The following ZC3H7A variants were observed in gnomAD, a reference collection of about 807,000 sequenced individuals.
The protein encoded by ZC3H7A is zinc finger CCCH domain-containing protein 7A.
ZC3H7A carries 44 observed loss-of-function variants against 125.5 expected under a neutral mutation model. The ratio of observed to expected loss-of-function variants is 0.35; its 90% CI spans 0.28 to 0.45. ZC3H7A has a LOEUF of 0.45. ZC3H7A is among the 20% of genes least tolerant of loss of function. The probability of loss-of-function intolerance (pLI) is 1.00; values close to 1 mark genes in which losing one functional copy is unlikely to be tolerated. For missense variants in ZC3H7A, 977 were observed against 1,170.7 expected, an observed-to-expected ratio of 0.83 and a Z score of 2.41; for synonymous variants, 399 against 391.2, an observed-to-expected ratio of 1.02 and a Z score of -0.23.
At chr16:11,790,796 C>T (rs1465701381) in intron 1 of ZC3H7A, among the ~76,000 whole-genome samples, 1 of 151,874 alleles carries the variant, frequency 6.6e-6, no homozygotes, top group South Asian at 2.1e-4. Flanking sequence ...ACCTCGGTCT[C>T]TCCCAGGAGG....
chr16:11,763,339 C>A (rs1277753949), intron 16 of ZC3H7A, 139 bp downstream of exon 16: 1 of 775,722 alleles, frequency 1.3e-6, no homozygotes, highest in African/African-American at 1.8e-5. Flanking sequence ...GAACTCCTGA[C>A]CTCAAGTGAT....
At chr16:11,767,957 T>C (rs2052890845) in intron 12 of ZC3H7A, among the ~76,000 whole-genome samples, 1 of 152,240 alleles carries the variant, frequency 6.6e-6, no homozygotes, top group African/African-American at 2.4e-5. Context: ...TTGTATTGTA[T>C]ACTGGTCTTA....
At chr16:11,790,079 C>CAAAAAAAAAA (rs150579733) in intron 1 of ZC3H7A, among the ~76,000 whole-genome samples, 2 of 73,550 alleles carry the variant, frequency 2.7e-5, no homozygotes, top group South Asian at 4.8e-4. Flanking sequence ...GACTCCATCT[C>CAAAAAAAAAA]AAAAAAAAAA....
At chr16:11,792,845 G>T (rs1484213105) in intron 1 of ZC3H7A, among the ~76,000 whole-genome samples, 1 of 152,180 alleles carries the variant, frequency 6.6e-6, no homozygotes, top group Non-Finnish European at 1.5e-5. Context: ...GTCTAGGGTG[G>T]CCCTGGGCTG....
At chr16:11,779,023 A>G in intron 4 of ZC3H7A, 143 bp downstream of exon 4, 2 of 732,800 alleles carry the variant, frequency 2.7e-6, no homozygotes, top group South Asian at 4.1e-5. Flanking sequence ...ATCCAAAGCT[A>G]ATTTTTAAAA....
intron 5 of ZC3H7A, 57 bp from the exon 6 acceptor site, chr16:11,776,589 A>G (rs111307463): frequency 6.5e-7 from 1 of 1,531,106 alleles, no homozygotes; most frequent in Non-Finnish European, 8.8e-7. Context: ...GGTGAAGAAG[A>G]ATAGACAAAA....
rs758211380 is a variant in ZC3H7A at position 11,781,458 on chromosome 16, C to G, written c.75G>C (p.Pro25=). 1 of 1,604,970 alleles carries G rather than the reference C, an allele frequency of 6.2e-7. No homozygotes were observed. Among genetic ancestry groups the G allele is most frequent in the Non-Finnish European group, 8.5e-7 (1 of 1,173,794 alleles). ...GCTCCTGTGTTCCTGGATATGACAGCGGTGACCTAAGAAGAAGAAACAAAT... is the reference window on the plus strand; with the variant it reads ...GCTCCTGTGTTCCTGGATATGACAGGGGTGACCTAAGAAGAAGAAACAAAT... ...IKEGLQFIQS[P]LSYPGTQEQY... is the part of the protein sequence containing the mutation. The change falls in exon 3 of 23, where the codon CCG becomes CCC. Residue 25 remains proline, a synonymous_variant. Transcript: ENST00000355758.
intron 3 of ZC3H7A, among the ~76,000 whole-genome samples, chr16:11,780,512 G>A (rs2141207748): frequency 6.6e-6 from 1 of 152,178 alleles, no homozygotes; most frequent in South Asian, 2.1e-4. Context: ...TGTCTAAGCT[G>A]ATTAAATTAT....
At position 11,768,483 on chromosome 16, in the gene ZC3H7A, A is replaced by G; in HGVS notation, c.1192T>C (p.Leu398=). 1 of 1,508,986 alleles carries G rather than the reference A, an allele frequency of 6.6e-7. No individual in the cohort carries two copies. Among genetic ancestry groups the G allele is most frequent in the Non-Finnish European group, 9.0e-7 (1 of 1,115,580 alleles). The allele number at this position is 1,508,986 out of a possible 1,614,324, so 93.5% of individuals were successfully genotyped here. A position where few individuals can be genotyped will look rare whatever the true frequency, so the allele number is the denominator to read the frequency against. Residue 398 remains leucine, a synonymous_variant, in exon 12 of 23, where the codon TTG becomes CTG. Transcript: ENST00000355758. ...SLLLMNGPGS[L]FASENFLGIS... ...CCCAGGAAATTCTCTGAAGCAAACA[A>G]ACTACCTGGTCCATTCATCTGCAAG...
At chr16:11,788,134 T>C (rs2053287543) in intron 1 of ZC3H7A, among the ~76,000 whole-genome samples, 2 of 152,182 alleles carry the variant, frequency 1.3e-5, no homozygotes, top group South Asian at 4.1e-4. Flanking sequence ...TCTCTTTTCT[T>C]ACTCAGTCTC....
intron 20 of ZC3H7A, among the ~76,000 whole-genome samples, 200 bp from the exon 21 acceptor site, chr16:11,756,570 C>T (rs1372669753): frequency 6.6e-6 from 1 of 152,180 alleles, no homozygotes; most frequent in African/African-American, 2.4e-5. Flanking sequence ...ACTTTCAGGA[C>T]TGTTAGATGG....
rs369283214 is a variant in ZC3H7A, at chr16:11,775,029, A to G, written c.586-16T>C. 2 of 1,613,658 alleles carry G rather than the reference A, an allele frequency of 1.2e-6. No individual in the cohort carries two copies. The highest frequency in any genetic ancestry group is 1.7e-6 in the Non-Finnish European group (2 of 1,179,724). On this transcript the variant is annotated splice_polypyrimidine_tract_variant and intron_variant, in intron 7 of 22. Coordinates refer to ENST00000355758, the MANE Select transcript of ZC3H7A (RefSeq NM_014153.4). ...GGTTCAAAGCCTAGAAATTAAACCA[A>G]ACAATGGGTTATAATATTTTCAGGA...
chr16:11,764,964 T>C, intron 15 of ZC3H7A, 89 bp downstream of exon 15: 1 of 856,896 alleles, frequency 1.2e-6, no homozygotes, highest in Non-Finnish European at 1.8e-6. Flanking sequence ...GAAAGGGCAA[T>C]GCCTGGACAG....
intron 21 of ZC3H7A, among the ~76,000 whole-genome samples, chr16:11,755,794 C>T (rs1413066753): frequency 6.6e-6 from 1 of 152,068 alleles, no homozygotes; most frequent in Non-Finnish European, 1.5e-5. Flanking sequence ...CAGGAAACCA[C>T]TAGAGAGAGA....
At chr16:11,761,571 G>A in intron 18 of ZC3H7A, 60 bp from the exon 19 acceptor site, 1 of 1,561,578 alleles carries the variant, frequency 6.4e-7, no homozygotes, top group African/African-American at 1.4e-5. Flanking sequence ...ATAACACAAA[G>A]GGAGAGGCAC....
chr16:11,756,144 A>G (rs553370215), intron 21 of ZC3H7A, 93 bp downstream of exon 21: 353 of 1,516,136 alleles, frequency 2.3e-4, no homozygotes, highest in South Asian at 1.6e-3. Context: ...GCCTGGTGAC[A>G]CAACGAGACT....
chr16:11,791,219 C>A (rs1032864535), intron 1 of ZC3H7A, among the ~76,000 whole-genome samples: 1 of 151,946 alleles, frequency 6.6e-6, no homozygotes, highest in African/African-American at 2.4e-5. Context: ...ACCTAGCAGA[C>A]CCCCATCCCC....
intron 4 of ZC3H7A, among the ~76,000 whole-genome samples, chr16:11,777,127 G>C (rs1019098758): frequency 6.6e-6 from 1 of 152,062 alleles, no homozygotes; most frequent in Non-Finnish European, 1.5e-5. Flanking sequence ...CACCATCCAG[G>C]TCAGACAAAT....
chr16:11,796,853 C>A (rs888007784), intron 1 of ZC3H7A: 1 of 150,928 alleles, frequency 6.6e-6, no homozygotes, highest in Non-Finnish European at 1.5e-5. Flanking sequence ...GACATTTTGC[C>A]GAGGGAATGG....
Sources: gnomAD v4.1 joint callset for allele counts (sites outside exome capture counted in the v4.1 genomes callset) on GRCh38, gnomAD v4.1.1 for gene constraint, MANE v1.5 for transcripts, NCBI Gene and HGNC (gene_info 2026-07-23, HGNC 2026-07-21) for gene names.